Variants in EML4 observed in about 807,000 individuals in gnomAD.
The protein encoded by EML4 is echinoderm microtubule-associated protein-like 4.
Under a neutral mutation model 129.0 loss-of-function variants are expected in EML4, and 72 were observed. That is an observed-to-expected ratio of 0.56 (90% confidence interval 0.46 to 0.68). The LOEUF is 0.68. Among genes scored for constraint, EML4 ranks in the 30% least tolerant of loss-of-function variants. The pLI, the probability that EML4 is intolerant of heterozygous loss-of-function variation, is 0.00. For missense variants in EML4, 1,363 were observed against 1,190.6 expected, an observed-to-expected ratio of 1.14 and a Z score of -2.13; for synonymous variants, 532 against 405.0, an observed-to-expected ratio of 1.31 and a Z score of -3.77.
chr2:42,202,138 G>A (rs911416479), intron 1 of EML4, among the ~76,000 whole-genome samples: 2 of 152,144 alleles, frequency 1.3e-5, no homozygotes, highest in African/African-American at 2.4e-5. Flanking sequence ...GCTTGGAGGG[G>A]TGTAGACAGG....
At chr2:42,172,917 C>A (rs529814436) in intron 1 of EML4, among the ~76,000 whole-genome samples, 2 of 152,064 alleles carry the variant, frequency 1.3e-5, no homozygotes, top group East Asian at 1.9e-4. Context: ...TGGAATTAAC[C>A]TAGAGATTAG....
At chr2:42,198,067 G>C (rs1420552811) in intron 1 of EML4, among the ~76,000 whole-genome samples, 1 of 152,116 alleles carries the variant, frequency 6.6e-6, no homozygotes, top group African/African-American at 2.4e-5. Context: ...CTAGTTGATA[G>C]GGTTGCTTAT....
In EML4 at chr2:42,316,000, C is replaced by G. The variant is rs1669227526; in HGVS notation, c.2006C>G (p.Ser669Cys). The change falls in exon 18 of 23, where the codon TCT becomes TGT. Residue 669 changes from serine (S) to cysteine (C), a missense_variant. Physicochemically the swap from Ser to Cys is moderately radical, Grantham distance 112. Coordinates refer to ENST00000318522, the MANE Select transcript of EML4 (RefSeq NM_019063.5). ...GATGCAGAAACCAGAGATCTAGTTTCTATCCACACAGACGGGAATGAACAG... is the reference window on the plus strand; with the variant it reads ...GATGCAGAAACCAGAGATCTAGTTTGTATCCACACAGACGGGAATGAACAG... Reference protein sequence around the residue: ...VLDAETRDLVSIHTDGNEQLS... With the variant: ...VLDAETRDLVCIHTDGNEQLS... 6.2e-7 allele frequency: 1 copy of G among 1,613,612 alleles called. No homozygotes were observed. The highest frequency in any genetic ancestry group is 2.2e-5 in the East Asian group (1 of 44,876).
At chr2:42,174,982 A>G (rs948096255) in intron 1 of EML4, among the ~76,000 whole-genome samples, 1 of 151,228 alleles carries the variant, frequency 6.6e-6, no homozygotes, top group East Asian at 2.0e-4. Flanking sequence ...ATGTCTGGCT[A>G]ATTTTTGTAT....
At chr2:42,216,363 C>T (rs1483290874) in intron 1 of EML4, among the ~76,000 whole-genome samples, 1 of 150,762 alleles carries the variant, frequency 6.6e-6, no homozygotes, top group Non-Finnish European at 1.5e-5. Context: ...CTGCCTCAGC[C>T]TCCTGAGTAG....
At chr2:42,220,721 G>A (rs897405716) in intron 1 of EML4, among the ~76,000 whole-genome samples, 27 of 152,300 alleles carry the variant, frequency 1.8e-4, no homozygotes, top group African/African-American at 5.5e-4. Flanking sequence ...GCTGAGATAG[G>A]CTGAAAGCTA....
At chr2:42,224,842 A>G (rs1004250549) in intron 1 of EML4, among the ~76,000 whole-genome samples, 1 of 152,172 alleles carries the variant, frequency 6.6e-6, no homozygotes, top group Non-Finnish European at 1.5e-5. Context: ...TATTAAGCAC[A>G]TTCACAGTGT....
rs180985832 is a variant in EML4 at position 42,186,080 on chromosome 2, C to A, written c.25+16444C>A. 9.2e-5 allele frequency among the ~76,000 whole-genome samples: 14 copies of A among 152,192 alleles called. No homozygotes were observed. In the East Asian group the frequency reaches 2.1e-3, roughly 23 times the overall value. ...GTAAGTGGGATAACTGGAGTTTGAT[C>A]TTTAAAAAGTCTATGCTTTTTTACT... On this transcript the variant is annotated intron_variant, in intron 1 of 22. Transcript: ENST00000318522.
At chr2:42,252,614 G>T (rs1488480552) in intron 2 of EML4, among the ~76,000 whole-genome samples, 1 of 152,080 alleles carries the variant, frequency 6.6e-6, no homozygotes, top group Non-Finnish European at 1.5e-5. Flanking sequence ...TGTTCTACGT[G>T]CTGGCCACAT....
chr2:42,259,018 A>G (rs1665539045), intron 3 of EML4, among the ~76,000 whole-genome samples: 1 of 152,176 alleles, frequency 6.6e-6, no homozygotes, highest in Non-Finnish European at 1.5e-5. Flanking sequence ...AGGCTGAGGC[A>G]GGCGAATCAG....
At chr2:42,278,874 T>TA (rs1343217678) in intron 6 of EML4, among the ~76,000 whole-genome samples, 1 of 151,744 alleles carries the variant, frequency 6.6e-6, no homozygotes, top group African/African-American at 2.4e-5. Context: ...AGGTGGAAGT[T>TA]ACAGTGAGCC....
chr2:42,220,308 G>A (rs6544520), intron 1 of EML4, among the ~76,000 whole-genome samples: 84,873 of 149,504 alleles, frequency 0.57, 24,422 homozygotes, highest in East Asian at 0.74. Context: ...TATTGGCCCC[G>A]TTTTTCCAAC....
intron 3 of EML4, among the ~76,000 whole-genome samples, chr2:42,258,467 C>G (rs1214721445): frequency 6.6e-6 from 1 of 152,054 alleles, no homozygotes; most frequent in African/African-American, 2.4e-5. Context: ...ATGGCGCAAT[C>G]TCGGCTCACC....
At chr2:42,182,652 T>C (rs1246968612) in intron 1 of EML4, among the ~76,000 whole-genome samples, 1 of 152,110 alleles carries the variant, frequency 6.6e-6, no homozygotes, top group Non-Finnish European at 1.5e-5. Flanking sequence ...CCACCAAATA[T>C]CACAAATATT....
At chr2:42,170,867 G>A (rs1487709380) in intron 1 of EML4, among the ~76,000 whole-genome samples, 1 of 152,196 alleles carries the variant, frequency 6.6e-6, no homozygotes, top group East Asian at 1.9e-4. Context: ...AGATAATATC[G>A]AGATGAGATG....
chr2:42,229,004 A>G (rs1352866220), intron 1 of EML4, among the ~76,000 whole-genome samples: 1 of 152,188 alleles, frequency 6.6e-6, no homozygotes, highest in Non-Finnish European at 1.5e-5. Context: ...GAGTAAACAA[A>G]TCAGTAAAAT....
At chr2:42,204,407 C>T (rs1422305678) in intron 1 of EML4, among the ~76,000 whole-genome samples, 1 of 152,058 alleles carries the variant, frequency 6.6e-6, no homozygotes. Context: ...CTGGAAAGGG[C>T]CAGATAATAA....
intron 6 of EML4, among the ~76,000 whole-genome samples, chr2:42,266,635 C>T (rs1294629274): frequency 1.3e-5 from 2 of 149,796 alleles, no homozygotes; most frequent in African/African-American, 2.5e-5. Context: ...TGAGCCACCA[C>T]TTCTGGTCCG....
intron 2 of EML4, among the ~76,000 whole-genome samples, chr2:42,251,349 G>A (rs998070163): frequency 1.3e-5 from 2 of 152,238 alleles, no homozygotes; most frequent in African/African-American, 4.8e-5. Context: ...ACATTATGCA[G>A]TGCATGACTG....
Sources: allele counts gnomAD v4.1 joint callset (sites outside exome capture counted in the v4.1 genomes callset), GRCh38; gene constraint gnomAD v4.1.1; transcripts MANE v1.5; gene names NCBI Gene and HGNC (gene_info 2026-07-23, HGNC 2026-07-21).